OPCML: variants seen among roughly 807,000 people sequenced by gnomAD.
OPCML encodes the protein opioid binding protein/cell adhesion molecule like.
A neutral mutation model predicts 37.8 loss-of-function variants in OPCML; 13 were observed. The ratio of observed to expected loss-of-function variants is 0.34; its 90% confidence interval spans 0.22 to 0.55. The LOEUF is 0.55. Ranked by LOEUF, OPCML falls within the 20% of genes least tolerant of loss-of-function variation. The pLI is 0.91. For synonymous variants in OPCML, 176 were observed against 168.8 expected, an observed-to-expected ratio of 1.04 and a Z score of -0.33; for missense variants, 341 against 435.6, an observed-to-expected ratio of 0.78 and a Z score of 1.93.
At position 132,846,559 on chromosome 11, in the gene OPCML, C is replaced by T. The variant is rs193281619; in HGVS notation, c.146+96367G>A. On this transcript the variant is annotated intron_variant, in intron 2 of 7. Coordinates refer to ENST00000524381, the MANE Select transcript of OPCML (RefSeq NM_001012393.5). ...TAGGAAGTAGCTTTTAACTCCACCA[C>T]GGTAACATTCACACTGAAAAAATAT... is the stretch of plus-strand genomic sequence containing the variant. Among the ~76,000 whole-genome samples, 65 of 152,300 alleles carry T rather than the reference C, an allele frequency of 4.3e-4. No homozygotes were observed. In the East Asian group the frequency reaches 8.9e-3, roughly 21 times the overall value.
chr11:133,204,859 T>C (rs1463819774), intron 1 of OPCML, among the ~76,000 whole-genome samples: 1 of 37,460 alleles, frequency 2.7e-5, no homozygotes, highest in Admixed American at 4.0e-4. Context: ...ATTATATATA[T>C]ATATATGTGT....
At chr11:133,005,653 A>T in intron 1 of OPCML, 2 of 983,960 alleles carry the variant, frequency 2.0e-6, no homozygotes, top group Non-Finnish European at 2.4e-6. Context: ...CAAGAAAAAA[A>T]AACTGTTATG....
chr11:133,004,486 C>G, intron 1 of OPCML: 1 of 985,420 alleles, frequency 1.0e-6, no homozygotes, highest in South Asian at 4.7e-5. Flanking sequence ...ACACAGAGGC[C>G]AGTCTGAAGA....
chr11:133,031,577 G>T (rs1947674206), intron 1 of OPCML, among the ~76,000 whole-genome samples: 1 of 150,624 alleles, frequency 6.6e-6, no homozygotes, highest in Non-Finnish European at 1.5e-5. Flanking sequence ...TGGGTAGATG[G>T]GTGAATGGAT....
intron 1 of OPCML, among the ~76,000 whole-genome samples, chr11:133,279,835 T>G (rs1351180833): frequency 6.6e-6 from 1 of 152,200 alleles, no homozygotes; most frequent in Non-Finnish European, 1.5e-5. Flanking sequence ...CCAAATTATT[T>G]TTAAATTTAT....
chr11:132,578,253 TC>T (rs1338344556), intron 3 of OPCML, among the ~76,000 whole-genome samples: 2 of 152,172 alleles, frequency 1.3e-5, no homozygotes, highest in African/African-American at 2.4e-5. Context: ...AATCCTATTT[TC>T]CAAACTGAGT....
intron 2 of OPCML, among the ~76,000 whole-genome samples, chr11:132,736,081 C>G (rs1430096113): frequency 6.6e-6 from 1 of 152,162 alleles, no homozygotes; most frequent in South Asian, 2.1e-4. Flanking sequence ...TATGAACCAG[C>G]AACTCCTATG....
intron 4 of OPCML, among the ~76,000 whole-genome samples, chr11:132,452,833 G>A (rs952000504): frequency 6.6e-6 from 1 of 152,108 alleles, no homozygotes; most frequent in African/African-American, 2.4e-5. Flanking sequence ...CCAGCCAGAC[G>A]GGCAGCCCCA....
chr11:132,508,644 T>G (rs1349563496), intron 4 of OPCML, among the ~76,000 whole-genome samples: 1 of 152,150 alleles, frequency 6.6e-6, no homozygotes, highest in Non-Finnish European at 1.5e-5. Context: ...CTCGTGATAG[T>G]GAATAGGTCT....
At chr11:133,234,082 C>T (rs910899473) in intron 1 of OPCML, among the ~76,000 whole-genome samples, 4 of 152,172 alleles carry the variant, frequency 2.6e-5, no homozygotes, top group Non-Finnish European at 4.4e-5. Flanking sequence ...CCCTTATCAA[C>T]AAGACAATGG....
intron 1 of OPCML, among the ~76,000 whole-genome samples, chr11:133,166,444 C>G (rs1950209040): frequency 6.6e-6 from 1 of 152,222 alleles, no homozygotes; most frequent in Admixed American, 6.5e-5. Context: ...AGCTGGGAGT[C>G]AGGCCCAGGA....
At chr11:132,771,069 T>C (rs1010226845) in intron 2 of OPCML, among the ~76,000 whole-genome samples, 2 of 152,100 alleles carry the variant, frequency 1.3e-5, no homozygotes, top group African/African-American at 4.8e-5. Flanking sequence ...AAGAATTAGA[T>C]AGAAACCATC....
intron 1 of OPCML, among the ~76,000 whole-genome samples, chr11:133,516,293 C>T (rs189300932): frequency 1.3e-5 from 2 of 152,252 alleles, no homozygotes; most frequent in Admixed American, 6.5e-5. Context: ...ATCTCCACTG[C>T]GTTCTGTTAT....
intron 2 of OPCML, among the ~76,000 whole-genome samples, chr11:132,892,658 T>A (rs1177514193): frequency 6.6e-6 from 1 of 152,054 alleles, no homozygotes; most frequent in Non-Finnish European, 1.5e-5. Flanking sequence ...TCCCAGCTAC[T>A]CGGGAGGCTG....
intron 2 of OPCML, among the ~76,000 whole-genome samples, chr11:132,832,815 G>A (rs1264275931): frequency 6.6e-6 from 1 of 152,238 alleles, no homozygotes; most frequent in Non-Finnish European, 1.5e-5. Context: ...CTACAAGCCT[G>A]TACGGCACGT....
chr11:132,575,885 T>A (rs962460194), intron 3 of OPCML, among the ~76,000 whole-genome samples: 8 of 152,122 alleles, frequency 5.3e-5, no homozygotes, highest in Non-Finnish European at 1.0e-4. Flanking sequence ...TGTCTTCTAT[T>A]TTTTTAGATA....
chr11:132,623,360 C>T (rs953617792), intron 3 of OPCML, among the ~76,000 whole-genome samples: 9 of 150,772 alleles, frequency 6.0e-5, no homozygotes, highest in African/African-American at 1.5e-4. Context: ...AGAACTGGGA[C>T]GTTAAAAACA....
intron 1 of OPCML, among the ~76,000 whole-genome samples, chr11:133,394,530 T>G (rs528341299): frequency 6.6e-6 from 1 of 152,336 alleles, no homozygotes; most frequent in East Asian, 1.9e-4. Flanking sequence ...TTGTAACAAC[T>G]AAACATCCCC....
chr11:132,560,704 T>C (rs2096408731), intron 3 of OPCML, among the ~76,000 whole-genome samples: 1 of 152,230 alleles, frequency 6.6e-6, no homozygotes, highest in Non-Finnish European at 1.5e-5. Context: ...TTTTTCCATA[T>C]GCTTGGTGGC....
Sources: gnomAD v4.1 joint callset for allele counts (sites outside exome capture counted in the v4.1 genomes callset) on GRCh38, gnomAD v4.1.1 for gene constraint, MANE v1.5 for transcripts, NCBI Gene and HGNC (gene_info 2026-07-23, HGNC 2026-07-21) for gene names.